Variants in ALDH3A2 observed in about 807,000 individuals in gnomAD.
ALDH3A2 encodes the protein aldehyde dehydrogenase 3 family member A2.
A neutral mutation model predicts 51.3 loss-of-function variants in ALDH3A2; 36 were observed. The ratio of observed to expected loss-of-function variants is 0.70; its 90% CI spans 0.54 to 0.93. The LOEUF (loss-of-function observed/expected upper bound fraction) is 0.93. Among genes scored for constraint, ALDH3A2 ranks in the 40% least tolerant of loss-of-function variants. The pLI, the probability that ALDH3A2 is intolerant of heterozygous loss-of-function variation, is 0.00. For missense variants in ALDH3A2, 552 were observed against 603.1 expected, an observed-to-expected ratio of 0.92 and a Z score of 0.89; for synonymous variants, 199 against 219.8, an observed-to-expected ratio of 0.91 and a Z score of 0.84.
chr17:19,649,066 G>T lies in ALDH3A2; in HGVS notation c.95G>T (p.Arg32Met). The stretch of plus-strand genomic sequence containing the variant: ...CTGCAGCAGCTGGAGGCCCTGCGGA[G>T]GATGGTGCAGGAGCGCGAGAAGGAT... The part of the protein sequence containing the change: ...FRLQQLEALR[R>M]MVQEREKDIL... The change falls in exon 1 of 10, where the codon AGG becomes ATG. Residue 32 changes from arginine (R) to methionine (M), a missense_variant. Physicochemically the swap from Arg to Met is moderately conservative, Grantham distance 91 (BLOSUM62 -1). Coordinates refer to ENST00000176643, the MANE Select transcript of ALDH3A2 (RefSeq NM_000382.3). 3 of 1,584,356 alleles carry T rather than the reference G, an allele frequency of 1.9e-6. No individual in the cohort carries two copies. The highest frequency in any genetic ancestry group is 1.8e-5 in the Admixed American group (1 of 55,330).
intron 5 of ALDH3A2, among the ~76,000 whole-genome samples, chr17:19,659,400 T>C (rs2152329413): frequency 6.6e-6 from 1 of 151,892 alleles, no homozygotes; most frequent in African/African-American, 2.4e-5. Flanking sequence ...TAGCTGGGTA[T>C]GGTGGCACAT....
rs1398503957 is a variant in ALDH3A2, at chr17:19,676,487, C to T, written c.*915C>T. On this transcript the variant is annotated 3_prime_UTR_variant, in exon 10 of 10. Coordinates refer to ENST00000176643, the MANE Select transcript of ALDH3A2 (RefSeq NM_000382.3). ...TGGACAACACAGTGAGACCTCATCT[C>T]TATCAAAAAATAAAAATTAGCTAGA... 4 of 152,236 alleles carry T rather than the reference C, an allele frequency of 2.6e-5. No individual in the cohort carries two copies. In the East Asian group the frequency reaches 7.7e-4, roughly 29 times the overall value. 9.4% of individuals were successfully genotyped at this position (152,236 alleles called of 1,614,324 possible).
chr17:19,675,914 C>CG lies in ALDH3A2; in HGVS notation c.*342_*343insG. 5.5e-6 allele frequency: 2 copies of CG among 362,982 alleles called. No individual in the cohort carries two copies. Among genetic ancestry groups the CG allele is most frequent in the South Asian group, 2.5e-5 (1 of 39,796 alleles). The allele number at this position is 362,982 out of a possible 1,614,324, so 22.5% of individuals were successfully genotyped here. A position where few individuals can be genotyped will look rare whatever the true frequency, so the allele number is the denominator to read the frequency against. On this transcript the variant is annotated 3_prime_UTR_variant, in exon 10 of 10. Transcript: ENST00000176643. ...CTGAATCCTTCACTCCAGTTAATGG[C>CG]ACTGCTCACTTCCTGCCTCTGCTGC... is the stretch of plus-strand genomic sequence containing the variant.
chr17:19,675,426 T>A (rs2152334433), intron 9 of ALDH3A2, 132 bp from the exon 10 acceptor site: 2 of 936,158 alleles, frequency 2.1e-6, no homozygotes, highest in African/African-American at 3.3e-5. Flanking sequence ...TAGTCCTTTT[T>A]TGTACAATGC....
Position 19,652,560 on chromosome 17 carries a change from T to G in ALDH3A2, c.399T>G (p.Ile133Met). ...IGAIAAGNAV[I>M]IKPSELSENT... is the part of the protein sequence containing the mutation. ...TACTTTATTTAGGAAATGCTGTGAT[T>G]ATAAAGCCTTCTGAACTGAGTGAAA... Residue 133 changes from isoleucine to methionine, a missense_variant, in exon 3 of 10, where the codon ATT (isoleucine) becomes ATG (methionine). Ile to Met is a conservative substitution (Grantham distance 10, BLOSUM62 1). Coordinates refer to ENST00000176643, the MANE Select transcript of ALDH3A2 (RefSeq NM_000382.3). 2.5e-6 allele frequency: 4 copies of G among 1,613,606 alleles called. No homozygotes were observed. The highest frequency in any genetic ancestry group is 3.4e-6 in the Non-Finnish European group (4 of 1,179,500).
rs549909743 is a variant in ALDH3A2 at position 19,664,909 on chromosome 17, G to C, written c.1108-39G>C. On this transcript the variant is annotated intron_variant, in intron 7 of 9. Coordinates refer to ENST00000176643, the MANE Select transcript of ALDH3A2 (RefSeq NM_000382.3). ...TGGGGCCATGAGTGTTCCCTAAGGG[G>C]CAACTTCACTGACCTGGACACCTTT... 3 of 1,488,722 alleles carry C rather than the reference G, an allele frequency of 2.0e-6. No homozygotes were observed. In the African/African-American group the frequency reaches 4.1e-5, roughly 21 times the overall value. 92.2% of individuals were successfully genotyped at this position (1,488,722 alleles called of 1,614,324 possible).
At chr17:19,655,970 G>T (rs946123638) in intron 3 of ALDH3A2, among the ~76,000 whole-genome samples, 5 of 152,246 alleles carry the variant, frequency 3.3e-5, no homozygotes, top group African/African-American at 1.2e-4. Context: ...CCCACTCTGT[G>T]TTGTGAGACA....
intron 1 of ALDH3A2, among the ~76,000 whole-genome samples, chr17:19,651,136 C>T (rs1445263402): frequency 1.3e-5 from 2 of 152,108 alleles, no homozygotes; most frequent in African/African-American, 4.8e-5. Context: ...TAGTTATAAA[C>T]CAGTGTGTTA....
intron 9 of ALDH3A2, among the ~76,000 whole-genome samples, chr17:19,673,525 C>G (rs1271906428): frequency 1.3e-5 from 2 of 151,964 alleles, no homozygotes. Context: ...CGAGAACAGC[C>G]TGGCCAACAT....
intron 3 of ALDH3A2, chr17:19,656,089 A>T (rs1428349419): frequency 1.3e-5 from 6 of 452,120 alleles, no homozygotes; most frequent in African/African-American, 1.2e-4. Context: ...GTCAAATTCA[A>T]CCATTTGTTC....
At chr17:19,659,235 G>GA (rs1198030741) in intron 5 of ALDH3A2, among the ~76,000 whole-genome samples, 1 of 151,810 alleles carries the variant, frequency 6.6e-6, no homozygotes, top group Non-Finnish European at 1.5e-5. Flanking sequence ...TATCTCAAAA[G>GA]AAAAAAAGAT....
rs901879859 is a variant in ALDH3A2 at position 19,657,790 on chromosome 17, T to C, written c.726T>C (p.Ile242=). The change falls in exon 5 of 10, where the codon ATT becomes ATC. Residue 242 remains isoleucine, a synonymous_variant. Transcript: ENST00000176643. Reference sequence around the variant, plus strand: ...ACATGAATTGTGGCCAAACCTGCATTGCACCCGACTATATTCTCTGTGAAG... The same window carrying C: ...ACATGAATTGTGGCCAAACCTGCATCGCACCCGACTATATTCTCTGTGAAG... ...GKYMNCGQTC[I]APDYILCEAS... 8.1e-6 allele frequency: 13 copies of C among 1,613,996 alleles called. No individual in the cohort carries two copies. The highest frequency in any genetic ancestry group is 1.3e-5 in the African/African-American group (1 of 74,936).
At chr17:19,673,032 C>T in intron 9 of ALDH3A2, 2 of 1,338,364 alleles carry the variant, frequency 1.5e-6, no homozygotes. Context: ...TAGAGCGAGA[C>T]TCCATCTCAA....
At chr17:19,653,093 G>A (rs1013662286) in intron 3 of ALDH3A2, among the ~76,000 whole-genome samples, 19 of 150,188 alleles carry the variant, frequency 1.3e-4, no homozygotes, top group African/African-American at 3.7e-4. Flanking sequence ...CACCCAGGCT[G>A]TAGTGCTGTG....
chr17:19,659,857 AAAG>A (rs1398501050), intron 5 of ALDH3A2, among the ~76,000 whole-genome samples: 3 of 151,784 alleles, frequency 2.0e-5, no homozygotes, highest in African/African-American at 7.3e-5. Flanking sequence ...AAAAAAAAAA[AAAG>A]AGAAAATTAT....
chr17:19,661,292 A>G (rs773389475), intron 6 of ALDH3A2, 24 bp downstream of exon 6: 16 of 1,614,026 alleles, frequency 9.9e-6, no homozygotes, highest in Admixed American at 3.3e-5. Flanking sequence ...TCCTTTTCCT[A>G]TGGGAAGATG....
chr17:19,670,850 C>T (rs377046224), intron 8 of ALDH3A2, among the ~76,000 whole-genome samples: 12 of 152,268 alleles, frequency 7.9e-5, no homozygotes, highest in African/African-American at 2.6e-4. Context: ...CGTGAGCCAC[C>T]GCACCCGGCC....
intron 8 of ALDH3A2, 55 bp downstream of exon 8, chr17:19,665,102 A>C: frequency 6.8e-7 from 1 of 1,461,534 alleles, no homozygotes. Flanking sequence ...CCACCATTTC[A>C]TGAGTGGATT....
intron 6 of ALDH3A2, among the ~76,000 whole-genome samples, chr17:19,662,581 CT>C (rs2084980503): frequency 2.6e-5 from 4 of 152,204 alleles, no homozygotes; most frequent in Non-Finnish European, 5.9e-5. Context: ...TCCCCAGCAT[CT>C]GTTTCACCCT....
Sources: allele counts gnomAD v4.1 joint callset (sites outside exome capture counted in the v4.1 genomes callset), GRCh38; gene constraint gnomAD v4.1.1; transcripts MANE v1.5; gene names NCBI Gene and HGNC (gene_info 2026-07-23, HGNC 2026-07-21).